GPBP1L1: variants seen among roughly 807,000 people sequenced by gnomAD.
GPBP1L1 encodes the protein vasculin-like protein 1.
In GPBP1L1, 23 loss-of-function variants were observed where a neutral mutation model predicts 52.5. The ratio of observed to expected loss-of-function variants is 0.44; its 90% confidence interval spans 0.32 to 0.62. GPBP1L1 has a LOEUF of 0.62. GPBP1L1 is among the 20% of genes least tolerant of loss of function. The pLI is 0.06. For synonymous variants in GPBP1L1, 243 were observed against 203.1 expected (o/e 1.20, Z -1.67); for missense variants, 596 against 579.3 (o/e 1.03, Z -0.30).
chr1:45,663,035 A>G (rs1644964700), intron 2 of GPBP1L1, among the ~76,000 whole-genome samples: 1 of 121,008 alleles, frequency 8.3e-6, no homozygotes, highest in South Asian at 3.1e-4. Flanking sequence ...TGGGTGACAG[A>G]GCCAGACTCT....
At chr1:45,630,720 C>G (rs761804450) in intron 10 of GPBP1L1, 114 bp from the exon 11 acceptor site, 74 of 1,187,104 alleles carry the variant, frequency 6.2e-5, no homozygotes, top group Admixed American at 1.1e-4. Flanking sequence ...AAGACAGCCT[C>G]AGCCCACAGA....
At chr1:45,652,064 G>T (rs975452947) in intron 6 of GPBP1L1, among the ~76,000 whole-genome samples, 1 of 152,176 alleles carries the variant, frequency 6.6e-6, no homozygotes, top group Non-Finnish European at 1.5e-5. Flanking sequence ...TAACATTTTA[G>T]CCTGGTTAAT....
chr1:45,639,355 G>A (rs1644638286), intron 8 of GPBP1L1, among the ~76,000 whole-genome samples: 1 of 152,110 alleles, frequency 6.6e-6, no homozygotes, highest in Non-Finnish European at 1.5e-5. Flanking sequence ...CCTTGGCTGA[G>A]GAGAATGACT....
At position 45,680,888 on chromosome 1, in the gene GPBP1L1, G is replaced by A. The variant is rs181977663; in HGVS notation, c.-1098+4688C>T. ...AGTGCAAATAATAAAATGCCTAATA[G>A]TTGGAGGGTAGAAAATAGGGAAAAA... On this transcript the variant is annotated intron_variant, in intron 2 of 12. Coordinates refer to ENST00000355105, the MANE Select transcript of GPBP1L1 (RefSeq NM_021639.5). Among the ~76,000 whole-genome samples, 15 of 152,234 alleles carry A rather than the reference G, an allele frequency of 9.9e-5. No individual in the cohort carries two copies. In the East Asian group the frequency reaches 2.9e-3, roughly 29 times the overall value.
At chr1:45,636,273 CCTT>C (rs1246453184) in intron 8 of GPBP1L1, among the ~76,000 whole-genome samples, 2 of 152,098 alleles carry the variant, frequency 1.3e-5, no homozygotes, top group African/African-American at 4.8e-5. Flanking sequence ...TCTTGAATTC[CCTT>C]CTTTTCAATG....
intron 2 of GPBP1L1, among the ~76,000 whole-genome samples, chr1:45,678,651 G>A (rs1247423653): frequency 6.6e-6 from 1 of 152,168 alleles, no homozygotes; most frequent in African/African-American, 2.4e-5. Flanking sequence ...CAGGTTAAGT[G>A]ACACAGTCTC....
At position 45,628,371 on chromosome 1, in the gene GPBP1L1, T is replaced by C. The variant is rs1644485000; in HGVS notation, c.1310A>G (p.Gln437Arg). Reference sequence around the variant, plus strand: ...GGAGAACAGACTGGAACTGCGGCTCTGCAAGAAGCCATTCTTTCCAAAGCC... The same window carrying C: ...GGAGAACAGACTGGAACTGCGGCTCCGCAAGAAGCCATTCTTTCCAAAGCC... ...RNGFGKNGFL[Q>R]SRSSSLFSPW... The change falls in exon 13 of 13, where the codon CAG becomes CGG. Residue 437 changes from glutamine to arginine, a missense_variant. Physicochemically the swap from Gln to Arg is conservative, Grantham distance 43. Coordinates refer to ENST00000355105, the MANE Select transcript of GPBP1L1 (RefSeq NM_021639.5). 3.1e-6 allele frequency: 5 copies of C among 1,614,112 alleles called. No homozygotes were observed. The highest frequency in any genetic ancestry group is 1.3e-5 in the African/African-American group (1 of 75,038).
At chr1:45,674,011 G>C (rs538049611) in intron 2 of GPBP1L1, among the ~76,000 whole-genome samples, 3 of 152,216 alleles carry the variant, frequency 2.0e-5, no homozygotes, top group African/African-American at 7.2e-5. Context: ...ACGGGAGCGG[G>C]AGGCTGCAGT....
At chr1:45,682,735 G>A (rs1645226065) in intron 2 of GPBP1L1, among the ~76,000 whole-genome samples, 1 of 152,126 alleles carries the variant, frequency 6.6e-6, no homozygotes, top group Admixed American at 6.5e-5. Flanking sequence ...TGCCTAGCAC[G>A]TTTGAAATCA....
At position 45,655,262 on chromosome 1, in the gene GPBP1L1, A is replaced by C; in HGVS notation, c.118T>G (p.Phe40Val). The C allele has an allele frequency of 6.2e-7, 1 of 1,614,076 alleles. No homozygotes were observed. The highest frequency in any genetic ancestry group is 8.5e-7 in the Non-Finnish European group (1 of 1,179,952). Residue 40 changes from phenylalanine to valine, a missense_variant, in exon 5 of 13, where the codon TTT (phenylalanine) becomes GTT (valine). By Grantham distance (50) the Phe-to-Val change is conservative. Transcript: ENST00000355105. ...GEHLPRGEGR[F>V]GVSRRRHNSS... ...TTATGTCGACGGCGGCTTACTCCAAATCTACCTTCTCCTCTGGGTAGGTGC... is the reference window on the plus strand; with the variant it reads ...TTATGTCGACGGCGGCTTACTCCAACTCTACCTTCTCCTCTGGGTAGGTGC...
chr1:45,653,351 T>C (rs760179547), intron 6 of GPBP1L1, among the ~76,000 whole-genome samples: 9 of 152,002 alleles, frequency 5.9e-5, no homozygotes, highest in East Asian at 1.9e-4. Context: ...CTGGGCAACA[T>C]AGTGATAGCT....
chr1:45,673,186 G>A (rs1645095224), intron 2 of GPBP1L1, among the ~76,000 whole-genome samples: 1 of 152,172 alleles, frequency 6.6e-6, no homozygotes, highest in Admixed American at 6.5e-5. Context: ...TGAATACATA[G>A]GTGGGAAAGC....
At chr1:45,681,644 T>A (rs1645213452) in intron 2 of GPBP1L1, among the ~76,000 whole-genome samples, 1 of 152,256 alleles carries the variant, frequency 6.6e-6, no homozygotes, top group Non-Finnish European at 1.5e-5. Flanking sequence ...CTAATAATCA[T>A]GAAGTTCTTA....
chr1:45,666,918 A>G (rs1005360681), intron 2 of GPBP1L1, among the ~76,000 whole-genome samples: 1 of 152,250 alleles, frequency 6.6e-6, no homozygotes, highest in African/African-American at 2.4e-5. Flanking sequence ...AACCATGAAA[A>G]TATTACGTTA....
At chr1:45,632,354 G>T (rs1644541234) in intron 10 of GPBP1L1, among the ~76,000 whole-genome samples, 1 of 151,822 alleles carries the variant, frequency 6.6e-6, no homozygotes, top group South Asian at 2.1e-4. Context: ...AGTAAGCTGA[G>T]ATTGCTCCAT....
chr1:45,635,698 G>A (rs1369768381), intron 8 of GPBP1L1: 1 of 151,942 alleles, frequency 6.6e-6, no homozygotes, highest in Non-Finnish European at 1.5e-5. Context: ...TTTTTTTGTT[G>A]TTGTTTTTTA....
chr1:45,660,583 C>G lies in GPBP1L1; in HGVS notation c.-455G>C, dbSNP rs1478019173. 1.0e-5 allele frequency: 10 copies of G among 984,328 alleles called. No individual in the cohort carries two copies. Among genetic ancestry groups the G allele is most frequent in the Non-Finnish European group, 1.2e-5 (10 of 829,034 alleles). The allele number at this position is 984,328 out of a possible 1,614,324, so 61.0% of individuals were successfully genotyped here. On this transcript the variant is annotated 5_prime_UTR_variant, in exon 3 of 13. Transcript: ENST00000355105. ...CACCGAGTGCAAATACTGTTCATAA[C>G]AAGGTCATAGCTAGAAAGACAGATG...
At chr1:45,639,350 G>C (rs181459532) in intron 8 of GPBP1L1, among the ~76,000 whole-genome samples, 22 of 152,098 alleles carry the variant, frequency 1.4e-4, no homozygotes, top group African/African-American at 5.1e-4. Flanking sequence ...TAATTCCTTG[G>C]CTGAGGAGAA....
intron 2 of GPBP1L1, among the ~76,000 whole-genome samples, chr1:45,678,180 A>G (rs1645169747): frequency 6.6e-6 from 1 of 152,224 alleles, no homozygotes; most frequent in Non-Finnish European, 1.5e-5. Flanking sequence ...TAATGGTTAC[A>G]GTTTATTTTG....
Sources: gnomAD v4.1 joint callset for allele counts (sites outside exome capture counted in the v4.1 genomes callset) on GRCh38, gnomAD v4.1.1 for gene constraint, MANE v1.5 for transcripts, NCBI Gene and HGNC (gene_info 2026-07-23, HGNC 2026-07-21) for gene names.